Variants in HEATR5A observed in about 807,000 individuals in gnomAD.
The protein encoded by HEATR5A is HEAT repeat containing 5A.
HEATR5A carries 178 observed loss-of-function variants against 218.8 expected under a neutral mutation model. The observed-to-expected ratio is 0.81, with a 90% CI of 0.72 to 0.92. The LOEUF is 0.92. Among genes scored for constraint, HEATR5A ranks in the 40% least tolerant of loss-of-function variants. HEATR5A has a pLI of 0.00. For synonymous variants in HEATR5A, 864 were observed against 871.6 expected (o/e 0.99, Z 0.15); for missense variants, 2,420 against 2,418.9 (o/e 1.00, Z -0.01).
chr14:31,352,011 G>A (rs1477648038), intron 16 of HEATR5A, among the ~76,000 whole-genome samples: 1 of 151,988 alleles, frequency 6.6e-6, no homozygotes, highest in Non-Finnish European at 1.5e-5. Flanking sequence ...AAAAATGTTC[G>A]AATTTTCACA....
In HEATR5A at chr14:31,334,945, CAAA is replaced by C. The variant is rs58661759; in HGVS notation, c.3367+2528_3367+2530del. ...TGGGTGACAGAGCAAGATTCCATCT[CAAA>C]AAAAAAAAAAAAAAAAAGAAAAAGA... On this transcript the variant is annotated intron_variant, in intron 22 of 35. Coordinates refer to ENST00000543095, the MANE Select transcript of HEATR5A (RefSeq NM_015473.4). Among the ~76,000 whole-genome samples, 47 of 96,592 alleles carry C rather than the reference CAAA, an allele frequency of 4.9e-4. No individual in the cohort carries two copies. The East Asian group carries it at 5.8e-3, about 12-fold the overall frequency. 63.4% of individuals were successfully genotyped at this position (96,592 alleles called of 152,430 possible). A position where few individuals can be genotyped will look rare whatever the true frequency, so the allele number is the denominator to read the frequency against.
chr14:31,395,138 A>G (rs2030606851), intron 5 of HEATR5A, 61 bp downstream of exon 5: 2 of 1,156,178 alleles, frequency 1.7e-6, no homozygotes, highest in South Asian at 4.0e-5. Context: ...TGCTTTCACA[A>G]AGAAGCTGAT....
At position 31,359,027 on chromosome 14, in the gene HEATR5A, GC is replaced by G; in HGVS notation, c.2101del (p.Ala701LeufsTer4). ...AATATCAGGGGCAGTCAAGTCAGCA[GC>G]CAGCTCTCTGAGGATAGCACAGAGG... ...GNLCAILREL[A>X]ADLTAPDIQV... On this transcript the variant is annotated frameshift_variant, in exon 15 of 36. Transcript: ENST00000543095. LOFTEE classifies it high-confidence loss of function. 1 of 1,590,290 alleles carries G rather than the reference GC, an allele frequency of 6.3e-7. No homozygotes were observed. The highest frequency in any genetic ancestry group is 8.5e-7 in the Non-Finnish European group (1 of 1,174,636).
intron 24 of HEATR5A, among the ~76,000 whole-genome samples, chr14:31,323,304 G>A (rs938276435): frequency 2.6e-5 from 4 of 152,122 alleles, no homozygotes; most frequent in African/African-American, 2.4e-5. Flanking sequence ...GGAACTATAG[G>A]TGCATGCCAC....
intron 16 of HEATR5A, 21 bp from the exon 17 acceptor site, chr14:31,350,738 A>G (rs970458871): frequency 5.4e-6 from 7 of 1,298,046 alleles, no homozygotes; most frequent in Non-Finnish European, 7.6e-6. Flanking sequence ...AAATAACAGG[A>G]TTTAAAAGCA....
chr14:31,403,544 C>A (rs2030952252), intron 1 of HEATR5A, among the ~76,000 whole-genome samples: 1 of 152,196 alleles, frequency 6.6e-6, no homozygotes, highest in Non-Finnish European at 1.5e-5. Flanking sequence ...AGCCCATTAG[C>A]ATCAGTTCCC....
chr14:31,332,341 T>G (rs1900501356), intron 22 of HEATR5A, among the ~76,000 whole-genome samples: 1 of 152,240 alleles, frequency 6.6e-6, no homozygotes, highest in Non-Finnish European at 1.5e-5. Flanking sequence ...TCTCTTTCTC[T>G]CCTGGCCATT....
At chr14:31,416,382 A>G (rs1464134709) in intron 1 of HEATR5A, among the ~76,000 whole-genome samples, 3 of 152,128 alleles carry the variant, frequency 2.0e-5, no homozygotes, top group Non-Finnish European at 4.4e-5. Context: ...TTGGCCTCCC[A>G]AAGTGCCAGG....
intron 1 of HEATR5A, among the ~76,000 whole-genome samples, chr14:31,403,932 C>T (rs1289542073): frequency 6.6e-6 from 1 of 152,156 alleles, no homozygotes; most frequent in African/African-American, 2.4e-5. Flanking sequence ...ATTTTTAGGA[C>T]ATGGATGCTT....
At chr14:31,319,077 T>C (rs986104641) in intron 25 of HEATR5A, among the ~76,000 whole-genome samples, 5 of 152,222 alleles carry the variant, frequency 3.3e-5, no homozygotes, top group African/African-American at 1.2e-4. Context: ...CACTTGCGAT[T>C]GTAAGAGGGC....
intron 21 of HEATR5A, among the ~76,000 whole-genome samples, chr14:31,339,144 T>A (rs1455832536): frequency 6.9e-6 from 1 of 145,756 alleles, no homozygotes; most frequent in Non-Finnish European, 1.5e-5. Flanking sequence ...CAAAAACATA[T>A]ATATATGTAT....
Position 31,293,004 on chromosome 14 carries a change from C to A in HEATR5A, c.*301G>T. 3.7e-6 allele frequency: 1 copy of A among 272,798 alleles called. No individual in the cohort carries two copies. Among genetic ancestry groups the A allele is most frequent in the Non-Finnish European group, 6.9e-6 (1 of 145,502 alleles). The allele number at this position is 272,798 out of a possible 1,614,324, so 16.9% of individuals were successfully genotyped here. A position where few individuals can be genotyped will look rare whatever the true frequency, so the allele number is the denominator to read the frequency against. On this transcript the variant is annotated 3_prime_UTR_variant, in exon 36 of 36. Coordinates refer to ENST00000543095, the MANE Select transcript of HEATR5A (RefSeq NM_015473.4). ...TATGTATGGACTGTTAGAAGAAATT[C>A]ATTTCATTTTTAAAGCAGTGGATTG... is the stretch of plus-strand genomic sequence containing the variant.
At chr14:31,311,686 A>T (rs976926807) in intron 28 of HEATR5A, among the ~76,000 whole-genome samples, 8 of 152,304 alleles carry the variant, frequency 5.3e-5, no homozygotes, top group African/African-American at 1.9e-4. Context: ...TATATATATA[A>T]AAAAGATTAA....
intron 10 of HEATR5A, among the ~76,000 whole-genome samples, chr14:31,381,192 G>C (rs768239078): frequency 6.6e-6 from 1 of 152,124 alleles, no homozygotes; most frequent in Non-Finnish European, 1.5e-5. Flanking sequence ...AGGTTGTAGT[G>C]AGCTGAGATT....
rs556536749 is a variant in HEATR5A, at chr14:31,335,479, C to G, written c.3367+1997G>C. On this transcript the variant is annotated intron_variant, in intron 22 of 35. Coordinates refer to ENST00000543095, the MANE Select transcript of HEATR5A (RefSeq NM_015473.4). Reference sequence around the variant, plus strand: ...GGACTACAAGTACATGCCGCCACAACTTGGGCCAGCTCCCTAAACATTTTA... The same window carrying G: ...GGACTACAAGTACATGCCGCCACAAGTTGGGCCAGCTCCCTAAACATTTTA... Among the ~76,000 whole-genome samples, 5 of 152,064 alleles carry G rather than the reference C, an allele frequency of 3.3e-5. No individual in the cohort carries two copies. In the South Asian group the frequency reaches 1.0e-3, roughly 32 times the overall value.
rs1324105609 is a variant in HEATR5A at position 31,323,617 on chromosome 14, A to C, written c.3735T>G (p.Ser1245Arg). The part of the protein sequence containing the change: ...RIINQCENAN[S>R]AHFDIALAQE... ...GTGCTAAAGCAATGTCAAAATGTGC[A>C]CTGTTAGCATTCTCACATTGGTTAA... Residue 1245 changes from serine (S) to arginine (R), a missense_variant, in exon 24 of 36, where the codon AGT (serine) becomes AGG (arginine). Ser to Arg is a moderately radical substitution (Grantham distance 110, BLOSUM62 -1). Coordinates refer to ENST00000543095, the MANE Select transcript of HEATR5A (RefSeq NM_015473.4). 6.2e-7 allele frequency: 1 copy of C among 1,612,234 alleles called. No homozygotes were observed. Among genetic ancestry groups the C allele is most frequent in the Non-Finnish European group, 8.5e-7 (1 of 1,178,730 alleles).
intron 4 of HEATR5A, among the ~76,000 whole-genome samples, chr14:31,397,976 T>C (rs1398442832): frequency 6.6e-6 from 1 of 152,198 alleles, no homozygotes; most frequent in Non-Finnish European, 1.5e-5. Context: ...GGTGCTAAGT[T>C]GTCCTTACAT....
intron 14 of HEATR5A, among the ~76,000 whole-genome samples, chr14:31,363,781 G>A (rs1302815450): frequency 6.6e-6 from 1 of 152,100 alleles, no homozygotes; most frequent in African/African-American, 2.4e-5. Context: ...AGGAATTCGA[G>A]ACCAGCTTGG....
At position 31,373,742 on chromosome 14, in the gene HEATR5A, T is replaced by C. The variant is rs545563519; in HGVS notation, c.1861+1074A>G. Among the ~76,000 whole-genome samples, 4 of 152,280 alleles carry C rather than the reference T, an allele frequency of 2.6e-5. No homozygotes were observed. In the East Asian group the frequency reaches 7.7e-4, roughly 29 times the overall value. On this transcript the variant is annotated intron_variant, in intron 12 of 35. Transcript: ENST00000543095. ...AAGGGTCTCTTCATACATAGGTTTT[T>C]TTCAACAGATGCCACACCGAGTGTG...
Sources: allele counts gnomAD v4.1 joint callset (sites outside exome capture counted in the v4.1 genomes callset), GRCh38; gene constraint gnomAD v4.1.1; transcripts MANE v1.5; gene names NCBI Gene and HGNC (gene_info 2026-07-23, HGNC 2026-07-21).